CCDC27: variants seen among roughly 807,000 people sequenced by gnomAD.
CCDC27 encodes the protein coiled-coil domain containing 27, also known as coiled-coil domain-containing protein 27.
In CCDC27, 80 loss-of-function variants were observed where a neutral mutation model predicts 80.3. The ratio of observed to expected loss-of-function variants is 1.00; its 90% CI spans 0.83 to 1.20. The LOEUF (loss-of-function observed/expected upper bound fraction) is 1.20, where lower values mean the gene tolerates loss of function less well. Among genes scored for constraint, CCDC27 ranks in the 50% most tolerant of loss-of-function variants. The probability of loss-of-function intolerance (pLI) is 0.00; values close to 1 mark genes in which losing one functional copy is unlikely to be tolerated. For synonymous variants in CCDC27, 342 were observed against 334.3 expected, an observed-to-expected ratio of 1.02 and a Z score of -0.25; for missense variants, 815 against 809.4, an observed-to-expected ratio of 1.01 and a Z score of -0.08.
chr1:3,757,101 C>G, intron 4 of CCDC27: 1 of 499,386 alleles, frequency 2.0e-6, no homozygotes, highest in Non-Finnish European at 3.6e-6. Flanking sequence ...GCAGTTACGC[C>G]GGCATGGAAC....
chr1:3,767,418 C>A lies in CCDC27; in HGVS notation c.1716C>A (p.Arg572=). 6 of 1,613,196 alleles carry A rather than the reference C, an allele frequency of 3.7e-6. No homozygotes were observed. The highest frequency in any genetic ancestry group is 4.2e-6 in the Non-Finnish European group (5 of 1,179,978). Reference sequence around the variant, plus strand: ...TTCAGCAGGCAGAGCAGCACACCCGCGTGGCCCTGGAGAGCTCCCAGTCCA... The same window carrying A: ...TTCAGCAGGCAGAGCAGCACACCCGAGTGGCCCTGGAGAGCTCCCAGTCCA... ...EMIQQAEQHT[R]VALESSQSRL... is the part of the protein sequence containing the mutation. The change falls in exon 10 of 12, where the codon CGC becomes CGA. Residue 572 remains arginine, a synonymous_variant. Transcript: ENST00000294600.
rs1026824480 is a variant in CCDC27, at chr1:3,760,506, T to A, written c.712-775T>A. Among the ~76,000 whole-genome samples, 1 of 152,262 alleles carries A rather than the reference T, an allele frequency of 6.6e-6. No individual in the cohort carries two copies. Among genetic ancestry groups the A allele is most frequent in the East Asian group, 1.9e-4 (1 of 5,200 alleles). On this transcript the variant is annotated intron_variant, in intron 4 of 11. Transcript: ENST00000294600. The surrounding 1 kb of genome is among the most constrained non-coding windows in gnomAD (Gnocchi z 4.3). ...CCTCCTGGTATATGCATTTTAAGGC[T>A]ATAAATTTGCCATTAATCACAACTT...
chr1:3,762,047 G>A (rs1282948005), intron 5 of CCDC27, among the ~76,000 whole-genome samples: 1 of 152,160 alleles, frequency 6.6e-6, no homozygotes, highest in Non-Finnish European at 1.5e-5. Context: ...GCAGAGGACT[G>A]GACGAGGCAG....
Position 3,763,965 on chromosome 1 carries a change from G to A in CCDC27, c.1452+129G>A. 1 of 1,423,292 alleles carries A rather than the reference G, an allele frequency of 7.0e-7. No homozygotes were observed. The highest frequency in any genetic ancestry group is 9.3e-7 in the Non-Finnish European group (1 of 1,072,348). The allele number at this position is 1,423,292 out of a possible 1,614,324, so 88.2% of individuals were successfully genotyped here. ...GGAGACTTTGAGCCTGGGGTGTCCA[G>A]GCAGCTGGCCCAGGGTTGTGCGGCT... On this transcript the variant is annotated intron_variant, in intron 8 of 11. Coordinates refer to ENST00000294600, the MANE Select transcript of CCDC27 (RefSeq NM_152492.3). This position sits in a 1 kb window ranked among gnomAD's most constrained non-coding sequence, Gnocchi z 7.5.
rs188540862 is a variant in CCDC27, at chr1:3,754,253, C to T, written c.442+12C>T. 7 of 1,568,182 alleles carry T rather than the reference C, an allele frequency of 4.5e-6. No homozygotes were observed. Among genetic ancestry groups the T allele is most frequent in the African/African-American group, 2.8e-5 (2 of 72,670 alleles). ...CATGTCCCACTGTGGTAAGAGCCCC[C>T]CACCAGGACCGCCTGTGAAACTGCC... is the stretch of plus-strand genomic sequence containing the variant. On this transcript the variant is annotated intron_variant, in intron 2 of 11. Transcript: ENST00000294600.
chr1:3,754,355 G>GT (rs1642902575), intron 2 of CCDC27, 114 bp downstream of exon 2: 1 of 1,329,120 alleles, frequency 7.5e-7, no homozygotes, highest in Non-Finnish European at 1.0e-6. Context: ...GGCCTCCACA[G>GT]TGGCCCCAGC....
chr1:3,758,194 T>A (rs9424312), intron 4 of CCDC27, among the ~76,000 whole-genome samples: 39,766 of 151,996 alleles, frequency 0.26, 5,633 homozygotes, highest in Non-Finnish European at 0.31. Flanking sequence ...TTAATTAATT[T>A]ATTTATTTAT....
At chr1:3,756,962 C>G (rs944486010) in intron 4 of CCDC27, 72 bp downstream of exon 4, 12 of 1,513,602 alleles carry the variant, frequency 7.9e-6, no homozygotes, top group Non-Finnish European at 1.1e-5. Flanking sequence ...GACAGCCCTG[C>G]TCCCTGACAG....
chr1:3,752,846 G>C (rs1642857715), intron 1 of CCDC27, 47 bp downstream of exon 1: 1 of 1,565,192 alleles, frequency 6.4e-7, no homozygotes, highest in Non-Finnish European at 8.7e-7. Context: ...GAGGTGACCT[G>C]TTTCTTCTCC....
chr1:3,755,518 C>T lies in CCDC27; in HGVS notation c.504C>T (p.Gly168=), dbSNP rs150439655. The change falls in exon 3 of 12, where the codon GGC becomes GGT. Residue 168 remains glycine (G), a synonymous_variant. Transcript: ENST00000294600. Reference sequence around the variant, plus strand: ...ACAACAGCTCGGAGACCTGGAGAGGCACCCAGGACCTGTTCTTGGCCAGGC... The same window carrying T: ...ACAACAGCTCGGAGACCTGGAGAGGTACCCAGGACCTGTTCTTGGCCAGGC... ...EIDNSSETWR[G]TQDLFLARRG... is the part of the protein sequence containing the mutation. The T allele has an allele frequency of 4.1e-4, 669 of 1,614,172 alleles. 2 individuals are homozygous for T. The African/African-American group carries it at 7.4e-3, about 18-fold the overall frequency.
At chr1:3,758,438 G>A (rs6682863) in intron 4 of CCDC27, among the ~76,000 whole-genome samples, 30,082 of 151,562 alleles carry the variant, frequency 0.2, 5,130 homozygotes, top group African/African-American at 0.45. Flanking sequence ...TACCCACCTC[G>A]GCCTCCCAAA....
chr1:3,765,887 G>C (rs1385371957), intron 8 of CCDC27, among the ~76,000 whole-genome samples: 4 of 143,042 alleles, frequency 2.8e-5, no homozygotes, highest in Admixed American at 7.1e-5. Flanking sequence ...TTTTTTTTCT[G>C]AGATGGGTTC....
chr1:3,766,460 A>G lies in CCDC27; in HGVS notation c.1453-75A>G. On this transcript the variant is annotated intron_variant, in intron 8 of 11. Transcript: ENST00000294600. This position sits in a 1 kb window ranked among gnomAD's most constrained non-coding sequence, Gnocchi z 6.1. ...TTTTAGGGAGCTTTGGGGAAGGAAA[A>G]AAGTTAGATGCCGGAATTCAGTCTG... The G allele has an allele frequency of 9.5e-7, 1 of 1,052,278 alleles. No individual in the cohort carries two copies. 65.2% of individuals were successfully genotyped at this position (1,052,278 alleles called of 1,614,324 possible). A position where few individuals can be genotyped will look rare whatever the true frequency, so the allele number is the denominator to read the frequency against.
Position 3,760,694 on chromosome 1 carries a change from T to C in CCDC27, c.712-587T>C, listed in dbSNP as rs1007662457. Among the ~76,000 whole-genome samples the C allele has an allele frequency of 6.6e-6, 1 of 152,214 alleles. No homozygotes were observed. Among genetic ancestry groups the C allele is most frequent in the African/African-American group, 2.4e-5 (1 of 41,458 alleles). ...TTTCTAGTTATCTTTCCTTCCAGAATATTCTGTTGGGATCATTTTCCTTCC... is the reference window on the plus strand; with the variant it reads ...TTTCTAGTTATCTTTCCTTCCAGAACATTCTGTTGGGATCATTTTCCTTCC... On this transcript the variant is annotated intron_variant, in intron 4 of 11. Transcript: ENST00000294600. The surrounding 1 kb of genome is among the most constrained non-coding windows in gnomAD (Gnocchi z 4.3).
Position 3,755,447 on chromosome 1 carries a change from C to G in CCDC27, c.443-10C>G. On this transcript the variant is annotated splice_polypyrimidine_tract_variant and intron_variant, in intron 2 of 11. Coordinates refer to ENST00000294600, the MANE Select transcript of CCDC27 (RefSeq NM_152492.3). ...AGCAGTCACCAGATGGCATCTTTAA[C>G]ACTCTACAGGTTCACCCACTGAGGC... The G allele has an allele frequency of 1.2e-6, 2 of 1,611,558 alleles. No individual in the cohort carries two copies. The highest frequency in any genetic ancestry group is 2.2e-5 in the South Asian group (2 of 91,012).
In CCDC27 at chr1:3,761,176, G is replaced by T. The variant is rs1643075027; in HGVS notation, c.712-105G>T. 7.2e-7 allele frequency: 1 copy of T among 1,386,832 alleles called. No homozygotes were observed. Among genetic ancestry groups the T allele is most frequent in the South Asian group, 1.4e-5 (1 of 73,418 alleles). The allele number at this position is 1,386,832 out of a possible 1,614,324, so 85.9% of individuals were successfully genotyped here. On this transcript the variant is annotated intron_variant, in intron 4 of 11. Transcript: ENST00000294600. The surrounding 1 kb of genome is among the most constrained non-coding windows in gnomAD (Gnocchi z 5.0). ...ATCCCTGGGACCCTGGGGTTTTGGG[G>T]TACCACGACAGCAGATCTGCTCCTC...
At chr1:3,765,035 CAAAAAAA>C (rs57991746) in intron 8 of CCDC27, among the ~76,000 whole-genome samples, 4 of 115,096 alleles carry the variant, frequency 3.5e-5, no homozygotes, top group African/African-American at 1.3e-4. Flanking sequence ...AACTCCATCT[CAAAAAAA>C]AAAAAAAAAA....
rs772398433 is a variant in CCDC27, at chr1:3,761,442, C to A, written c.861+12C>A. ...CCCCAGGCAGGAGGGTGAGCCAGCC[C>A]CAGCGGGGCACAGCGCAGAGCTCTA... On this transcript the variant is annotated intron_variant, in intron 5 of 11. Coordinates refer to ENST00000294600, the MANE Select transcript of CCDC27 (RefSeq NM_152492.3). The surrounding 1 kb of genome is among the most constrained non-coding windows in gnomAD (Gnocchi z 5.0). 1.2e-6 allele frequency: 2 copies of A among 1,612,966 alleles called. No homozygotes were observed. The highest frequency in any genetic ancestry group is 2.2e-5 in the South Asian group (2 of 91,010).
Position 3,760,342 on chromosome 1 carries a change from T to C in CCDC27, c.712-939T>C, listed in dbSNP as rs560554076. 2.0e-4 allele frequency among the ~76,000 whole-genome samples: 31 copies of C among 152,254 alleles called. No individual in the cohort carries two copies. The highest frequency in any genetic ancestry group is 7.2e-4 in the African/African-American group (30 of 41,550). ...CTTCTCTCCTCTCTCTCCCCCTTGC[T>C]CCTCTCTCCCTCTCTCCCTTCCTAT... On this transcript the variant is annotated intron_variant, in intron 4 of 11. Transcript: ENST00000294600. The surrounding 1 kb of genome is among the most constrained non-coding windows in gnomAD (Gnocchi z 4.3).
Sources: gnomAD v4.1 joint callset for allele counts (sites outside exome capture counted in the v4.1 genomes callset) on GRCh38, gnomAD v4.1.1 for gene constraint, Gnocchi (gnomAD v3.1) non-coding constraint, MANE v1.5 for transcripts, NCBI Gene and HGNC (gene_info 2026-07-23, HGNC 2026-07-21) for gene names.